The following GLI3 variants were observed in gnomAD, a reference collection of about 807,000 sequenced individuals.
The protein encoded by GLI3 is GLI family zinc finger 3.
A neutral mutation model predicts 100.8 loss-of-function variants in GLI3; 20 were observed. That is an observed-to-expected ratio of 0.20 (90% confidence interval 0.14 to 0.29). The LOEUF (loss-of-function observed/expected upper bound fraction) is 0.29. GLI3 is among the 10% of genes least tolerant of loss of function. The pLI is 1.00. For synonymous variants in GLI3, 938 were observed against 860.5 expected, an observed-to-expected ratio of 1.09 and a Z score of -1.58; for missense variants, 2,040 against 2,128.5, an observed-to-expected ratio of 0.96 and a Z score of 0.82.
intron 7 of GLI3, among the ~76,000 whole-genome samples, chr7:42,031,339 T>G (rs1009738866): frequency 6.6e-6 from 1 of 152,360 alleles, no homozygotes; most frequent in South Asian, 2.1e-4. Context: ...ATTTAGTCAA[T>G]AAGATCAGTA....
chr7:42,048,597 G>A lies in GLI3; in HGVS notation c.573C>T (p.Ser191=), dbSNP rs1562703059. The A allele has an allele frequency of 6.2e-7, 1 of 1,611,486 alleles. No individual in the cohort carries two copies. Among genetic ancestry groups the A allele is most frequent in the Non-Finnish European group, 8.5e-7 (1 of 1,178,688 alleles). ...NPTAASESPF[S]PPHPYINPYM... ...AGGGATTAATGTAGGGATGTGGAGG[G>A]CTGAAGGGAGACTCGGAAGCAGCAG... Residue 191 remains serine, a synonymous_variant, in exon 5 of 15, where the codon AGC becomes AGT. Transcript: ENST00000395925.
chr7:42,115,627 T>C (rs893906402), intron 3 of GLI3, among the ~76,000 whole-genome samples: 2 of 152,272 alleles, frequency 1.3e-5, no homozygotes, highest in Admixed American at 1.3e-4. Context: ...TACACCTATT[T>C]CCCTACAACT....
chr7:42,247,047 G>C (rs931939891), intron 1 of GLI3, among the ~76,000 whole-genome samples: 3 of 152,054 alleles, frequency 2.0e-5, no homozygotes, highest in Non-Finnish European at 4.4e-5. Context: ...AAAGTTTAGA[G>C]ATAGATGCAG....
intron 3 of GLI3, among the ~76,000 whole-genome samples, chr7:42,103,368 A>G (rs2128762997): frequency 6.6e-6 from 1 of 152,242 alleles, no homozygotes; most frequent in Admixed American, 6.5e-5. Flanking sequence ...ACTTGTACAC[A>G]TGTCCTTAAA....
At chr7:42,154,347 G>A (rs1005596864) in intron 2 of GLI3, among the ~76,000 whole-genome samples, 3 of 152,094 alleles carry the variant, frequency 2.0e-5, no homozygotes, top group Admixed American at 6.5e-5. Context: ...TCCAGGACTC[G>A]GCCAGGGGCT....
intron 2 of GLI3, among the ~76,000 whole-genome samples, chr7:42,163,344 C>A (rs1787170948): frequency 6.6e-6 from 1 of 152,076 alleles, no homozygotes; most frequent in Non-Finnish European, 1.5e-5. Flanking sequence ...TGCCTTTTCC[C>A]CAACTGCAGT....
Position 41,966,132 on chromosome 7 carries a change from C to G in GLI3, c.2941G>C (p.Asp981His). ...CGCCCGTAGCCGTGGGCTCCCCCGT[C>G]GCTGCACCTCCTCGGGGCATGAACT... ...PPVHAPRRCS[D>H]GGAHGYGRRH... Residue 981 changes from aspartate (D) to histidine (H), a missense_variant, in exon 15 of 15, where the codon GAC (aspartate) becomes CAC (histidine). This residue lies in a region of GLI3 where 1,041 missense variants were observed against 924.0 expected (regional missense o/e 1.13). Transcript: ENST00000395925. The surrounding 1 kb of genome is among the most constrained non-coding windows in gnomAD (Gnocchi z 5.8). 1 of 1,587,898 alleles carries G rather than the reference C, an allele frequency of 6.3e-7. No homozygotes were observed. The highest frequency in any genetic ancestry group is 8.5e-7 in the Non-Finnish European group (1 of 1,171,706).
At position 41,972,273 on chromosome 7, in the gene GLI3, T is replaced by TG; in HGVS notation, c.2103+63dup. 1 of 1,482,560 alleles carries TG rather than the reference T, an allele frequency of 6.7e-7. No individual in the cohort carries two copies. Among genetic ancestry groups the TG allele is most frequent in the East Asian group, 2.3e-5 (1 of 44,336 alleles). 91.8% of individuals were successfully genotyped at this position (1,482,560 alleles called of 1,614,324 possible). A position where few individuals can be genotyped will look rare whatever the true frequency, so the allele number is the denominator to read the frequency against. On this transcript the variant is annotated intron_variant, in intron 13 of 14. Transcript: ENST00000395925. This position sits in a 1 kb window ranked among gnomAD's most constrained non-coding sequence, Gnocchi z 4.4. ...AGGACCGGGAAGTCCTGTCCCTCTATGCACCCTACCTGGCTCTTTTAAATG... is the reference window on the plus strand; with the variant it reads ...AGGACCGGGAAGTCCTGTCCCTCTATGGCACCCTACCTGGCTCTTTTAAATG...
intron 3 of GLI3, among the ~76,000 whole-genome samples, chr7:42,139,765 G>T (rs1186152149): frequency 1.3e-5 from 2 of 152,194 alleles, no homozygotes; most frequent in Non-Finnish European, 2.9e-5. Context: ...AGCCAGGGAC[G>T]CCTGGGAGGG....
At chr7:42,244,817 G>A (rs142888401) in intron 1 of GLI3, among the ~76,000 whole-genome samples, 3,722 of 152,278 alleles carry the variant, frequency 0.024, 52 homozygotes, top group South Asian at 0.039. Context: ...ATTCAAGCTT[G>A]CCCAAATAAG....
intron 4 of GLI3, among the ~76,000 whole-genome samples, chr7:42,063,678 A>G (rs192272305): frequency 6.6e-6 from 1 of 152,336 alleles, no homozygotes; most frequent in Admixed American, 6.5e-5. Flanking sequence ...ATATGGGGAT[A>G]GATATGTAGT....
intron 10 of GLI3, among the ~76,000 whole-genome samples, chr7:42,000,050 A>T (rs867021808): frequency 6.6e-6 from 1 of 152,244 alleles, no homozygotes; most frequent in African/African-American, 2.4e-5. Context: ...ATGCCCGTCA[A>T]TCACAGAACT....
intron 3 of GLI3, among the ~76,000 whole-genome samples, chr7:42,133,981 T>C (rs1786360022): frequency 6.6e-6 from 1 of 150,758 alleles, no homozygotes; most frequent in Admixed American, 6.7e-5. Flanking sequence ...CTTGGGAGGC[T>C]GAGGCAAAAG....
At chr7:42,105,337 T>C (rs1417420598) in intron 3 of GLI3, among the ~76,000 whole-genome samples, 2 of 152,324 alleles carry the variant, frequency 1.3e-5, no homozygotes, top group East Asian at 3.9e-4. Flanking sequence ...GGAAGCAGAT[T>C]ACATCTTTAT....
At chr7:42,123,535 T>G (rs1786052637) in intron 3 of GLI3, among the ~76,000 whole-genome samples, 1 of 152,236 alleles carries the variant, frequency 6.6e-6, no homozygotes, top group African/African-American at 2.4e-5. Context: ...TACTTCTTGT[T>G]GTTAATTCAG....
intron 3 of GLI3, among the ~76,000 whole-genome samples, chr7:42,081,034 C>A (rs973640481): frequency 6.6e-5 from 10 of 152,182 alleles, no homozygotes; most frequent in African/African-American, 2.4e-4. Context: ...ATGACTTCTC[C>A]AAAGTCAGGC....
At chr7:42,060,270 C>A (rs1482181655) in intron 4 of GLI3, among the ~76,000 whole-genome samples, 1 of 152,104 alleles carries the variant, frequency 6.6e-6, no homozygotes, top group East Asian at 1.9e-4. Flanking sequence ...CTTCCGTTGC[C>A]TTGTTGAGTA....
intron 3 of GLI3, among the ~76,000 whole-genome samples, chr7:42,142,882 T>C (rs1477241597): frequency 7.5e-6 from 1 of 133,482 alleles, no homozygotes; most frequent in Non-Finnish European, 1.5e-5. Context: ...GAGCTTGCAG[T>C]GAGCCGAGAT....
chr7:42,213,291 T>C (rs1788306829), intron 2 of GLI3, among the ~76,000 whole-genome samples: 1 of 152,218 alleles, frequency 6.6e-6, no homozygotes, highest in South Asian at 2.1e-4. Context: ...TGCTGACCAC[T>C]ACAATTTCAA....
Sources: gnomAD v4.1 joint callset for allele counts (sites outside exome capture counted in the v4.1 genomes callset) on GRCh38, gnomAD v4.1.1 for gene constraint, gnomAD v4.1.1 regional missense constraint, Gnocchi (gnomAD v3.1) non-coding constraint, MANE v1.5 for transcripts, NCBI Gene and HGNC (gene_info 2026-07-23, HGNC 2026-07-21) for gene names.